RGS6: variants seen among roughly 807,000 people sequenced by gnomAD.
RGS6 encodes the protein regulator of G-protein signaling 6.
Under a neutral mutation model 78.5 loss-of-function variants are expected in RGS6, and 30 were observed. The ratio of observed to expected loss-of-function variants is 0.38; its 90% CI spans 0.29 to 0.52. The LOEUF (loss-of-function observed/expected upper bound fraction) is 0.52, where lower values mean the gene tolerates loss of function less well. RGS6 is among the 20% of genes least tolerant of loss of function. The pLI is 0.85. For synonymous variants in RGS6, 206 were observed against 206.0 expected, an observed-to-expected ratio of 1.00 and a Z score of 0.00; for missense variants, 495 against 609.7, an observed-to-expected ratio of 0.81 and a Z score of 1.98.
intron 2 of RGS6, among the ~76,000 whole-genome samples, chr14:72,010,600 C>G (rs1187097277): frequency 6.6e-6 from 1 of 152,132 alleles, no homozygotes; most frequent in African/African-American, 2.4e-5. Context: ...TTACAGGGGG[C>G]CATCGTTTTG....
At chr14:72,453,768 C>T (rs544107229) in intron 3 of RGS6, among the ~76,000 whole-genome samples, 11 of 152,058 alleles carry the variant, frequency 7.2e-5, no homozygotes, top group African/African-American at 2.7e-4. Flanking sequence ...AGTCAGAGCC[C>T]CACATGGGCG....
chr14:72,436,756 A>G (rs1468580048), intron 3 of RGS6, among the ~76,000 whole-genome samples: 1 of 152,246 alleles, frequency 6.6e-6, no homozygotes, highest in Non-Finnish European at 1.5e-5. Context: ...CTAAAAAGTA[A>G]CCAAACAATC....
chr14:72,332,051 G>A (rs904524497), intron 2 of RGS6, among the ~76,000 whole-genome samples: 2 of 152,152 alleles, frequency 1.3e-5, no homozygotes, highest in Non-Finnish European at 2.9e-5. Context: ...TTATTTAACC[G>A]AAGGGACTCT....
At chr14:72,212,266 C>T (rs1365410298) in intron 2 of RGS6, among the ~76,000 whole-genome samples, 1 of 152,140 alleles carries the variant, frequency 6.6e-6, no homozygotes, top group East Asian at 1.9e-4. Flanking sequence ...GGGGACATGA[C>T]AATGCTAATT....
intron 1 of RGS6, among the ~76,000 whole-genome samples, chr14:71,962,122 C>T (rs1381612577): frequency 1.3e-5 from 2 of 152,138 alleles, no homozygotes; most frequent in Admixed American, 6.5e-5. Context: ...AGTTTCAAAA[C>T]GAGTTAATAG....
At chr14:72,061,464 C>T (rs2153435584) in intron 2 of RGS6, among the ~76,000 whole-genome samples, 2 of 152,232 alleles carry the variant, frequency 1.3e-5, no homozygotes, top group Middle Eastern at 3.4e-3. Context: ...AGCTGCTTAA[C>T]TGTACTCTTT....
intron 2 of RGS6, among the ~76,000 whole-genome samples, chr14:72,277,882 C>T (rs911518858): frequency 2.0e-5 from 3 of 152,066 alleles, no homozygotes; most frequent in Non-Finnish European, 4.4e-5. Context: ...GAGCAAAGAT[C>T]ATGCCACTGC....
chr14:71,936,039 T>C (rs949022236), intron 1 of RGS6, among the ~76,000 whole-genome samples: 1 of 113,742 alleles, frequency 8.8e-6, no homozygotes, highest in East Asian at 3.1e-4. Flanking sequence ...TATATATATA[T>C]ATGTACATAT....
At chr14:72,060,465 A>G (rs761670540) in intron 2 of RGS6, among the ~76,000 whole-genome samples, 12 of 148,378 alleles carry the variant, frequency 8.1e-5, no homozygotes, top group Non-Finnish European at 1.3e-4. Context: ...CATGTCTGTC[A>G]TTTTCTTATG....
At chr14:72,155,628 C>T (rs1195425500) in intron 2 of RGS6, among the ~76,000 whole-genome samples, 1 of 152,136 alleles carries the variant, frequency 6.6e-6, no homozygotes, top group African/African-American at 2.4e-5. Context: ...GGATTCTTTA[C>T]GTTTATGATG....
the RGS6 span, among the ~76,000 whole-genome samples, chr14:72,592,727 A>G: frequency 1.3e-5 from 2 of 152,322 alleles, no homozygotes; most frequent in South Asian, 4.1e-4. Context: ...AATCTTGTGA[A>G]AGGGACTTCA....
chr14:71,869,829 T>A, the RGS6 span, among the ~76,000 whole-genome samples: 1 of 152,160 alleles, frequency 6.6e-6, no homozygotes, highest in Non-Finnish European at 1.5e-5. Context: ...GCCATGAGGA[T>A]CCACCCTCAT....
At chr14:72,325,954 T>C (rs1245552507) in intron 2 of RGS6, among the ~76,000 whole-genome samples, 1 of 152,222 alleles carries the variant, frequency 6.6e-6, no homozygotes, top group Non-Finnish European at 1.5e-5. Context: ...GACCCATGAA[T>C]TGGTACAATG....
the RGS6 span, among the ~76,000 whole-genome samples, chr14:71,890,372 G>C: frequency 6.6e-6 from 1 of 151,700 alleles, no homozygotes; most frequent in African/African-American, 2.4e-5. Flanking sequence ...GAGAGAGAGA[G>C]AGAGAGAGAG....
chr14:72,454,162 C>A (rs972341570), intron 3 of RGS6, among the ~76,000 whole-genome samples: 1 of 152,172 alleles, frequency 6.6e-6, no homozygotes, highest in African/African-American at 2.4e-5. Context: ...TGTTGGTCAG[C>A]CCTTGTAATT....
At chr14:71,969,944 G>T (rs1420027945) in intron 2 of RGS6, among the ~76,000 whole-genome samples, 4 of 152,130 alleles carry the variant, frequency 2.6e-5, no homozygotes, top group African/African-American at 9.7e-5. Flanking sequence ...AGCTTTTGAA[G>T]AAATATTTTA....
chr14:72,235,916 G>T (rs1381593945), intron 2 of RGS6, among the ~76,000 whole-genome samples: 1 of 152,122 alleles, frequency 6.6e-6, no homozygotes, highest in Non-Finnish European at 1.5e-5. Flanking sequence ...ATCTTTGTAA[G>T]GGCTATTAAC....
At chr14:72,599,575 ATTTTTTTT>A in the RGS6 span, among the ~76,000 whole-genome samples, 2 of 103,236 alleles carry the variant, frequency 1.9e-5, no homozygotes, top group African/African-American at 8.2e-5. Flanking sequence ...CGCCTGGCTA[ATTTTTTTT>A]TTTTTTTTTT....
chr14:72,119,143 C>T (rs534404253), intron 2 of RGS6, among the ~76,000 whole-genome samples: 180 of 152,162 alleles, frequency 1.2e-3, no homozygotes, highest in African/African-American at 4.3e-3. Flanking sequence ...AATACAAATT[C>T]AGTTTGCCTA....
Sources: allele counts gnomAD v4.1 joint callset (sites outside exome capture counted in the v4.1 genomes callset), GRCh38; gene constraint gnomAD v4.1.1; transcripts MANE v1.5; gene names NCBI Gene and HGNC (gene_info 2026-07-23, HGNC 2026-07-21).